Variants in THBS4 observed in about 807,000 individuals in gnomAD.
THBS4 encodes the protein thrombospondin-4.
In THBS4, 90 loss-of-function variants were observed where a neutral mutation model predicts 115.7. The observed-to-expected ratio is 0.78, with a 90% CI of 0.66 to 0.93. The LOEUF (loss-of-function observed/expected upper bound fraction) is 0.93. THBS4 is among the 40% of genes least tolerant of loss of function. The probability of loss-of-function intolerance (pLI) is 0.00; values close to 1 mark genes in which losing one functional copy is unlikely to be tolerated. For synonymous variants in THBS4, 460 were observed against 479.3 expected, an observed-to-expected ratio of 0.96 and a Z score of 0.53; for missense variants, 1,087 against 1,232.7, an observed-to-expected ratio of 0.88 and a Z score of 1.77.
chr5:80,048,708 C>G (rs1750314315), intron 2 of THBS4, among the ~76,000 whole-genome samples: 1 of 150,868 alleles, frequency 6.6e-6, no homozygotes, highest in African/African-American at 2.4e-5. Flanking sequence ...CATAAGAAAA[C>G]TTTGAAACAG....
At position 80,055,902 on chromosome 5, in the gene THBS4, G is replaced by C. The variant is rs1487998555; in HGVS notation, c.410G>C (p.Gly137Ala). 1 of 1,614,182 alleles carries C rather than the reference G, an allele frequency of 6.2e-7. No homozygotes were observed. The highest frequency in any genetic ancestry group is 8.5e-7 in the Non-Finnish European group (1 of 1,180,024). ...ILLRLSNLQR[G>A]AGSLELYLDC... ...CTGAGGCTGAGCAATTTGCAGCGAG[G>C]GGCCGGCTCCCTAGAGCTCTACCTG... is the stretch of plus-strand genomic sequence containing the variant. Residue 137 changes from glycine (G) to alanine (A), a missense_variant, in exon 3 of 22, where the codon GGG becomes GCG. Around this residue, in one of 3 missense-constraint regions of THBS4, gnomAD observed 979 missense variants for 1,103.7 expected, o/e 0.89. Coordinates refer to ENST00000350881, the MANE Select transcript of THBS4 (RefSeq NM_003248.6).
At chr5:80,047,249 A>G (rs967549851) in intron 2 of THBS4, among the ~76,000 whole-genome samples, 5 of 152,126 alleles carry the variant, frequency 3.3e-5, no homozygotes, top group African/African-American at 9.7e-5. Flanking sequence ...GTCCCACTGT[A>G]CTCTTAATTG....
At chr5:80,052,556 T>G (rs1235368529) in intron 2 of THBS4, 1 of 152,252 alleles carries the variant, frequency 6.6e-6, no homozygotes, top group African/African-American at 2.4e-5. Flanking sequence ...CTAGCTAGTC[T>G]GTCTTGCCAG....
intron 2 of THBS4, among the ~76,000 whole-genome samples, chr5:80,047,618 G>A (rs898624696): frequency 1.3e-5 from 2 of 149,956 alleles, no homozygotes; most frequent in Non-Finnish European, 3.0e-5. Flanking sequence ...GACCAGTCTG[G>A]GTAAAAAATT....
chr5:80,044,887 G>A (rs778912110), intron 2 of THBS4, among the ~76,000 whole-genome samples: 11 of 152,124 alleles, frequency 7.2e-5, no homozygotes, highest in Non-Finnish European at 1.5e-4. Context: ...CCACCTGGCT[G>A]GATAGAAGAT....
Position 80,077,027 on chromosome 5 carries a change from C to T in THBS4, c.2065C>T (p.Pro689Ser), listed in dbSNP as rs1418375215. ...AGACAACTGCCGGCTGGTCCCCAACCCAGCCCAGGAGGATAGCAACAGTAA... is the reference window on the plus strand; with the variant it reads ...AGACAACTGCCGGCTGGTCCCCAACTCAGCCCAGGAGGATAGCAACAGTAA... ...GPDNCRLVPNPAQEDSNSDGV... is the reference protein window; with the variant it reads ...GPDNCRLVPNSAQEDSNSDGV... Residue 689 changes from proline (P) to serine (S), a missense_variant, in exon 16 of 22, where the codon CCA (proline) becomes TCA (serine). Physicochemically the swap from Pro to Ser is moderately conservative, Grantham distance 74. Coordinates refer to ENST00000350881, the MANE Select transcript of THBS4 (RefSeq NM_003248.6). 1 of 1,608,240 alleles carries T rather than the reference C, an allele frequency of 6.2e-7. No individual in the cohort carries two copies. Among genetic ancestry groups the T allele is most frequent in the Non-Finnish European group, 8.5e-7 (1 of 1,176,884 alleles).
chr5:80,061,627 A>G lies in THBS4; in HGVS notation c.988-68A>G, dbSNP rs999379424. ...TAAATGACTAAACAAGTATGTGCAA[A>G]TAGATGAAGAAAAGTTTGAGAGTGT... On this transcript the variant is annotated intron_variant, in intron 7 of 21. Coordinates refer to ENST00000350881, the MANE Select transcript of THBS4 (RefSeq NM_003248.6). 4.6e-6 allele frequency: 7 copies of G among 1,515,094 alleles called. No individual in the cohort carries two copies. In the African/African-American group the frequency reaches 8.4e-5, roughly 18 times the overall value. 93.9% of individuals were successfully genotyped at this position (1,515,094 alleles called of 1,614,324 possible).
intron 2 of THBS4, among the ~76,000 whole-genome samples, chr5:80,001,549 A>G (rs1831898792): frequency 6.6e-6 from 1 of 152,220 alleles, no homozygotes; most frequent in South Asian, 2.1e-4. Flanking sequence ...ATGAGGTTAT[A>G]GAAGAGGAAT....
chr5:80,043,338 T>C (rs762661297), intron 2 of THBS4, among the ~76,000 whole-genome samples: 1 of 152,178 alleles, frequency 6.6e-6, no homozygotes, highest in African/African-American at 2.4e-5. Flanking sequence ...AGACAGAGCC[T>C]GTGGTTGAGA....
chr5:80,062,645 A>G (rs528555565), intron 8 of THBS4, among the ~76,000 whole-genome samples: 1 of 152,202 alleles, frequency 6.6e-6, no homozygotes, highest in South Asian at 2.1e-4. Flanking sequence ...TTAACTTGTC[A>G]TTTACATTAG....
chr5:80,016,635 G>A (rs1580913156), intron 2 of THBS4, among the ~76,000 whole-genome samples: 1 of 152,088 alleles, frequency 6.6e-6, no homozygotes, highest in African/African-American at 2.4e-5. Flanking sequence ...ACATATTATT[G>A]TATTTAGGAT....
intron 8 of THBS4, among the ~76,000 whole-genome samples, chr5:80,062,634 GTTA>G (rs1833675369): frequency 6.6e-6 from 1 of 152,128 alleles, no homozygotes; most frequent in Non-Finnish European, 1.5e-5. Flanking sequence ...TGCTGCACCT[GTTA>G]ACTTGTCATT....
chr5:80,014,442 G>T (rs1162479374), intron 2 of THBS4, among the ~76,000 whole-genome samples: 1 of 152,162 alleles, frequency 6.6e-6, no homozygotes, highest in Admixed American at 6.5e-5. Flanking sequence ...GCAGAATAAT[G>T]TTCTGTGGAT....
chr5:80,044,352 A>G (rs534040076), intron 2 of THBS4, among the ~76,000 whole-genome samples: 12 of 152,344 alleles, frequency 7.9e-5, no homozygotes, highest in African/African-American at 2.6e-4. Flanking sequence ...CTTGTTTGTG[A>G]AAAATGACAT....
At chr5:80,078,307 G>C in intron 17 of THBS4, 80 bp downstream of exon 17, 1 of 1,271,832 alleles carries the variant, frequency 7.9e-7, no homozygotes, top group Middle Eastern at 2.8e-4. Context: ...CATGTTTAGA[G>C]GGTGCAGACA....
At chr5:80,060,055 G>A (rs1833580656) in intron 7 of THBS4, 150 bp downstream of exon 7, 1 of 714,602 alleles carries the variant, frequency 1.4e-6, no homozygotes, top group Non-Finnish European at 2.3e-6. Context: ...CCTGAGACAA[G>A]GGATGGCGGA....
Position 80,078,152 on chromosome 5 carries a change from C to G in THBS4, c.2190C>G (p.Phe730Leu). ...PENAEVTLTD[F>L]RAYQTVVLDP... ...ACGCAGAGGTCACCCTGACCGACTT[C>G]AGGGCTTACCAGACCGTGGTCCTGG... Residue 730 changes from phenylalanine (F) to leucine (L), a missense_variant, in exon 17 of 22, where the codon TTC (phenylalanine) becomes TTG (leucine). By Grantham distance (22) the Phe-to-Leu change is conservative (BLOSUM62 0). This residue lies in a region of THBS4 where 979 missense variants were observed against 1,103.7 expected (regional missense o/e 0.89). Coordinates refer to ENST00000350881, the MANE Select transcript of THBS4 (RefSeq NM_003248.6). The G allele has an allele frequency of 6.2e-7, 1 of 1,611,478 alleles. No homozygotes were observed. Among genetic ancestry groups the G allele is most frequent in the South Asian group, 1.1e-5 (1 of 90,558 alleles).
chr5:80,070,994 G>A, intron 12 of THBS4, 27 bp from the exon 13 acceptor site: 2 of 1,610,442 alleles, frequency 1.2e-6, no homozygotes, highest in Non-Finnish European at 1.7e-6. Flanking sequence ...AAAAGTCTGA[G>A]TGATGTTCTG....
At position 80,010,707 on chromosome 5, in the gene THBS4, G is replaced by T. The variant is rs914148816; in HGVS notation, n.177+12280G>T. ...GAGGAAAGGAAGGAAGCAGAACTGG[G>T]AAGATGGAAAAGTTAAGCTGCAGTA... On this transcript the variant is annotated intron_variant and non_coding_transcript_variant, in intron 2 of 3. Coordinates refer to the THBS4 transcript ENST00000510218. Among the ~76,000 whole-genome samples the T allele has an allele frequency of 1.3e-5, 2 of 152,252 alleles. 1 individual carries two copies. Among genetic ancestry groups the T allele is most frequent in the Non-Finnish European group, 2.9e-5 (2 of 68,046 alleles).
Sources: gnomAD v4.1 joint callset for allele counts (sites outside exome capture counted in the v4.1 genomes callset) on GRCh38, gnomAD v4.1.1 for gene constraint, gnomAD v4.1.1 regional missense constraint, MANE v1.5 for transcripts, NCBI Gene and HGNC (gene_info 2026-07-23, HGNC 2026-07-21) for gene names.